Variants in HNF4A observed in about 807,000 individuals in gnomAD.
HNF4A encodes the protein hepatocyte nuclear factor 4-alpha.
A neutral mutation model predicts 52.4 loss-of-function variants in HNF4A; 15 were observed. The ratio of observed to expected loss-of-function variants is 0.29; its 90% CI spans 0.19 to 0.44. The LOEUF (loss-of-function observed/expected upper bound fraction) is 0.44. Ranked by LOEUF, HNF4A falls within the 20% of genes least tolerant of loss-of-function variation. HNF4A has a pLI of 1.00. For missense variants in HNF4A, 479 were observed against 647.2 expected (o/e 0.74, Z 2.82); for synonymous variants, 280 against 264.4 (o/e 1.06, Z -0.57).
At chr20:44,421,786 A>G (rs1411648800) in intron 7 of HNF4A, among the ~76,000 whole-genome samples, 1 of 146,122 alleles carries the variant, frequency 6.8e-6, no homozygotes, top group Non-Finnish European at 1.5e-5. Flanking sequence ...TATATATATA[A>G]TATATATTAT....
At chr20:44,368,164 T>A (rs796636821) in intron 1 of HNF4A, among the ~76,000 whole-genome samples, 773 of 33,148 alleles carry the variant, frequency 0.023, 4 homozygotes, top group East Asian at 0.045. Context: ...ATATATATTT[T>A]TTTTTTTTTT....
chr20:44,413,790 T>G lies in HNF4A; in HGVS notation c.482T>G (p.Leu161Arg). The change falls in exon 4 of 10, where the codon CTG becomes CGG. Residue 161 changes from leucine to arginine, a missense_variant. Leu to Arg is a moderately radical substitution (Grantham distance 102). Coordinates refer to ENST00000316099, the MANE Select transcript of HNF4A (RefSeq NM_000457.6). ...AATGCGCTCCTGCAGGCGGAGGTCCTGTCCCGACAGGTACCGGGGTGATCC... is the reference window on the plus strand; with the variant it reads ...AATGCGCTCCTGCAGGCGGAGGTCCGGTCCCGACAGGTACCGGGGTGATCC... 6.2e-7 allele frequency: 1 copy of G among 1,611,384 alleles called. No individual in the cohort carries two copies. Among genetic ancestry groups the G allele is most frequent in the Non-Finnish European group, 8.5e-7 (1 of 1,178,130 alleles).
At chr20:44,400,350 G>A (rs368785206), upstream of HNF4A, among the ~76,000 whole-genome samples, 1,757 of 124,836 alleles carry the variant, frequency 0.014, 36 homozygotes, top group African/African-American at 0.058. Flanking sequence ...AGGGAGGAGG[G>A]GGAAGAGGAT....
chr20:44,414,669 A>G lies in HNF4A; in HGVS notation c.648+7A>G. The G allele has an allele frequency of 1.3e-6, 2 of 1,592,856 alleles. No homozygotes were observed. The highest frequency in any genetic ancestry group is 1.7e-6 in the Non-Finnish European group (2 of 1,169,304). On this transcript the variant is annotated splice_region_variant and intron_variant, in intron 5 of 9. Coordinates refer to ENST00000316099, the MANE Select transcript of HNF4A (RefSeq NM_000457.6). ...GCTCCCCCTGGACGACCAGGTGAGG[A>G]TGGGCGTGGATGGTGGGCAGTAGTG...
At chr20:44,357,777 C>G (rs368535407) in intron 1 of HNF4A, among the ~76,000 whole-genome samples, 1 of 151,678 alleles carries the variant, frequency 6.6e-6, no homozygotes, top group African/African-American at 2.4e-5. Flanking sequence ...ATTTTCCAAA[C>G]GGCTGTCTGA....
chr20:44,401,234 C>T, upstream of HNF4A: 1 of 1,541,128 alleles, frequency 6.5e-7, no homozygotes, highest in Non-Finnish European at 8.7e-7. Flanking sequence ...GCCAAGACTC[C>T]CAGCAGATCT....
intron 1 of HNF4A, among the ~76,000 whole-genome samples, chr20:44,365,832 A>C (rs1375446122): frequency 2.0e-5 from 3 of 151,832 alleles, no homozygotes; most frequent in African/African-American, 4.8e-5. Flanking sequence ...TATGGCAAAA[A>C]CCCACCTCTA....
upstream of HNF4A, among the ~76,000 whole-genome samples, chr20:44,399,935 C>CA (rs1437111257): frequency 6.6e-6 from 1 of 152,194 alleles, no homozygotes; most frequent in Non-Finnish European, 1.5e-5. Context: ...GACAGGCTCC[C>CA]AGGCCTCCCA....
chr20:44,371,594 G>A (rs1220334284), intron 1 of HNF4A, among the ~76,000 whole-genome samples: 1 of 152,188 alleles, frequency 6.6e-6, no homozygotes, highest in Non-Finnish European at 1.5e-5. Context: ...GGAGGTGGAG[G>A]TGGGCAGATC....
chr20:44,358,197 T>G (rs2062878766), intron 1 of HNF4A, among the ~76,000 whole-genome samples: 1 of 148,558 alleles, frequency 6.7e-6, no homozygotes, highest in Admixed American at 6.8e-5. Flanking sequence ...TCTCTGAGCT[T>G]CACATGTTTT....
At chr20:44,383,714 C>T (rs752083483) in intron 1 of HNF4A, among the ~76,000 whole-genome samples, 9 of 151,804 alleles carry the variant, frequency 5.9e-5, no homozygotes, top group Non-Finnish European at 1.3e-4. Context: ...CCATCATGCC[C>T]AGCTAATTTT....
At chr20:44,367,374 G>A (rs1406727850) in intron 1 of HNF4A, among the ~76,000 whole-genome samples, 2 of 151,322 alleles carry the variant, frequency 1.3e-5, no homozygotes, top group Admixed American at 1.3e-4. Context: ...GGCCAGGCAC[G>A]GTGGCTAACA....
intron 1 of HNF4A, among the ~76,000 whole-genome samples, chr20:44,404,349 T>C (rs1475244913): frequency 6.6e-6 from 1 of 152,126 alleles, no homozygotes; most frequent in Non-Finnish European, 1.5e-5. Context: ...CAAGCTGGAA[T>C]TGAACCCTGG....
At chr20:44,410,536 C>T (rs1051288121) in intron 3 of HNF4A, among the ~76,000 whole-genome samples, 1 of 152,084 alleles carries the variant, frequency 6.6e-6, no homozygotes, top group Non-Finnish European at 1.5e-5. Context: ...AAAAGAAAGT[C>T]TCGGTGGAAG....
At chr20:44,390,660 C>T in intron 1 of HNF4A, 1 of 702,528 alleles carries the variant, frequency 1.4e-6, no homozygotes, top group Non-Finnish European at 2.6e-6. Context: ...GGGGCCAGGG[C>T]TTCCCCCAGG....
chr20:44,428,523 G>A (rs2146488270), intron 9 of HNF4A, 36 bp downstream of exon 9: 1 of 1,603,696 alleles, frequency 6.2e-7, no homozygotes, highest in Non-Finnish European at 8.5e-7. Context: ...TGCAAAGGGT[G>A]AGGATGGGGC....
At chr20:44,405,618 G>A (rs567809198) in intron 1 of HNF4A, among the ~76,000 whole-genome samples, 37 of 152,212 alleles carry the variant, frequency 2.4e-4, no homozygotes, top group African/African-American at 8.7e-4. Flanking sequence ...GAGAATTTGC[G>A]GGGCCCCTGG....
chr20:44,408,451 G>A (rs991804479), intron 3 of HNF4A, among the ~76,000 whole-genome samples: 81 of 152,166 alleles, frequency 5.3e-4, no homozygotes, highest in African/African-American at 1.7e-3. Flanking sequence ...GAGGCCAGGC[G>A]CAGTGAATCA....
chr20:44,405,208 T>G (rs2063483814), intron 1 of HNF4A, among the ~76,000 whole-genome samples: 1 of 152,130 alleles, frequency 6.6e-6, no homozygotes, highest in African/African-American at 2.4e-5. Flanking sequence ...CTATCTTTGC[T>G]GAAAGATTTG....
Sources: gnomAD v4.1 joint callset for allele counts (sites outside exome capture counted in the v4.1 genomes callset) on GRCh38, gnomAD v4.1.1 for gene constraint, MANE v1.5 for transcripts, NCBI Gene and HGNC (gene_info 2026-07-23, HGNC 2026-07-21) for gene names.